The following PTPN12 variants were observed in gnomAD, a reference collection of about 807,000 sequenced individuals.
The protein encoded by PTPN12 is protein tyrosine phosphatase non-receptor type 12.
In PTPN12, 29 loss-of-function variants were observed where a neutral mutation model predicts 97.6. The observed-to-expected ratio is 0.30, with a 90% CI of 0.22 to 0.41. PTPN12 has a LOEUF of 0.41. Ranked by LOEUF, PTPN12 falls within the 10% of genes least tolerant of loss-of-function variation. The pLI is 1.00. For missense variants in PTPN12, 819 were observed against 926.0 expected (o/e 0.88, Z 1.50); for synonymous variants, 327 against 300.4 (o/e 1.09, Z -0.91).
chr7:77,552,486 T>C (rs1249330855), intron 1 of PTPN12, among the ~76,000 whole-genome samples: 1 of 152,206 alleles, frequency 6.6e-6, no homozygotes, highest in African/African-American at 2.4e-5. Context: ...CTCTAGTTGT[T>C]AAAGAAGGTA....
chr7:77,601,494 C>T (rs374148041), intron 8 of PTPN12, among the ~76,000 whole-genome samples: 1 of 152,132 alleles, frequency 6.6e-6, no homozygotes, highest in Non-Finnish European at 1.5e-5. Flanking sequence ...TGAGCCACTA[C>T]GCCTGGCAAC....
Position 77,599,514 on chromosome 7 carries a change from TCCTGG to T in PTPN12, c.553-1146_553-1142del, listed in dbSNP as rs1378215278. Reference sequence around the variant, plus strand: ...CATGTTGCTCAGGCTGCTGTCAAATTCCTGGCCTTGAGTGATCTTGCCTTTTGCAT... The same window carrying T: ...CATGTTGCTCAGGCTGCTGTCAAATTCCTTGAGTGATCTTGCCTTTTGCAT... On this transcript the variant is annotated intron_variant, in intron 7 of 17. Coordinates refer to ENST00000248594, the MANE Select transcript of PTPN12 (RefSeq NM_002835.4). 2.0e-5 allele frequency among the ~76,000 whole-genome samples: 3 copies of T among 152,284 alleles called. No homozygotes were observed. In the South Asian group the frequency reaches 6.2e-4, roughly 32 times the overall value.
Position 77,627,234 on chromosome 7 carries a change from ACAC to A in PTPN12, c.1557_1559del (p.Pro521del). On this transcript the variant is annotated inframe_deletion, in exon 13 of 18. Transcript: ENST00000248594. ...ACCAGAAGAATCCCAGAATTCAGAC[ACAC>A]CTCCAAGGCCAGACCGCTTGCCTCT... 1 of 1,614,124 alleles carries A rather than the reference ACAC, an allele frequency of 6.2e-7. No homozygotes were observed. Among genetic ancestry groups the A allele is most frequent in the Non-Finnish European group, 8.5e-7 (1 of 1,179,974 alleles).
chr7:77,616,006 C>G lies in PTPN12; in HGVS notation c.940-2474C>G, dbSNP rs115034021. Among the ~76,000 whole-genome samples the G allele has an allele frequency of 1.6e-3, 238 of 152,316 alleles. 2 individuals carry two copies. Among genetic ancestry groups the G allele is most frequent in the African/African-American group, 5.5e-3 (228 of 41,566 alleles). On this transcript the variant is annotated intron_variant, in intron 11 of 17. Coordinates refer to ENST00000248594, the MANE Select transcript of PTPN12 (RefSeq NM_002835.4). ...CTCAGTATGTTCTGAAAGCTAATCTCTCCCAGAAGCTCTCTTTTGGTTCTT... is the reference window on the plus strand; with the variant it reads ...CTCAGTATGTTCTGAAAGCTAATCTGTCCCAGAAGCTCTCTTTTGGTTCTT...
In PTPN12 at chr7:77,564,746, G is replaced by GTGTTTTTTTTTT. The variant is rs1808163614; in HGVS notation, c.100-6331_100-6330insGTTTTTTTTTTT. On this transcript the variant is annotated intron_variant, in intron 1 of 17. Transcript: ENST00000248594. ...TTTTGTTGTTGTTTTTTGTTGTCGT[G>GTGTTTTTTTTTT]TTTTTTTTTTTTTTTTTTTTTTTTT... is the stretch of plus-strand genomic sequence containing the variant. Among the ~76,000 whole-genome samples the GTGTTTTTTTTTT allele has an allele frequency of 8.8e-5, 4 of 45,402 alleles. No homozygotes were observed. The East Asian group carries it at 2.4e-3, about 27-fold the overall frequency. 29.8% of individuals were successfully genotyped at this position (45,402 alleles called of 152,430 possible).
intron 1 of PTPN12, among the ~76,000 whole-genome samples, chr7:77,539,687 G>A (rs1259510114): frequency 6.6e-6 from 1 of 151,988 alleles, no homozygotes; most frequent in African/African-American, 2.4e-5. Context: ...GGAGTGCAGC[G>A]GCGCAATCTC....
chr7:77,595,364 G>T (rs957579944), intron 6 of PTPN12, among the ~76,000 whole-genome samples: 10 of 152,206 alleles, frequency 6.6e-5, no homozygotes, highest in Admixed American at 5.2e-4. Context: ...CAGAGTTTGA[G>T]ACTGAGAAAT....
chr7:77,577,073 C>T (rs1415281265), intron 2 of PTPN12, among the ~76,000 whole-genome samples: 2 of 152,176 alleles, frequency 1.3e-5, no homozygotes, highest in Non-Finnish European at 2.9e-5. Context: ...GCATTTGTTC[C>T]ATACTCCAAT....
chr7:77,580,719 T>C (rs1787487647), intron 2 of PTPN12, among the ~76,000 whole-genome samples: 1 of 152,178 alleles, frequency 6.6e-6, no homozygotes, highest in Non-Finnish European at 1.5e-5. Flanking sequence ...ATAATAACTA[T>C]TATTAGCCAA....
In PTPN12 at chr7:77,626,911, A is replaced by G. The variant is rs1451738803; in HGVS notation, c.1232A>G (p.Lys411Arg). 6.2e-7 allele frequency: 1 copy of G among 1,609,882 alleles called. No individual in the cohort carries two copies. The highest frequency in any genetic ancestry group is 2.2e-5 in the East Asian group (1 of 44,874). ...HSADLNRNYS[K>R]STELPGKNES... ...GCAGACCTCAACAGAAACTATAGTAAATCAACAGAACTTCCAGGGAAAAAT... is the reference window on the plus strand; with the variant it reads ...GCAGACCTCAACAGAAACTATAGTAGATCAACAGAACTTCCAGGGAAAAAT... Residue 411 changes from lysine (K) to arginine (R), a missense_variant, in exon 13 of 18, where the codon AAA (lysine) becomes AGA (arginine). By Grantham distance (26) the Lys-to-Arg change is conservative. This residue lies in a region of PTPN12 where 607 missense variants were observed against 577.3 expected (regional missense o/e 1.05). Transcript: ENST00000248594.
At chr7:77,615,527 G>T (rs561252588) in intron 11 of PTPN12, among the ~76,000 whole-genome samples, 1 of 152,166 alleles carries the variant, frequency 6.6e-6, no homozygotes, top group African/African-American at 2.4e-5. Flanking sequence ...CAGGAGAATT[G>T]CTTGAGACCA....
intron 13 of PTPN12, among the ~76,000 whole-genome samples, chr7:77,630,515 A>G (rs954611767): frequency 6.6e-6 from 1 of 152,202 alleles, no homozygotes; most frequent in Non-Finnish European, 1.5e-5. Context: ...ATATTACCAT[A>G]CTCAACAATT....
chr7:77,551,695 C>T (rs1194693525), intron 1 of PTPN12, among the ~76,000 whole-genome samples: 1 of 152,192 alleles, frequency 6.6e-6, no homozygotes, highest in Admixed American at 6.5e-5. Flanking sequence ...ACCATTCTTC[C>T]ATCCAAGCTT....
In PTPN12 at chr7:77,637,045, TGTG is replaced by T. The variant is rs1789618067; in HGVS notation, c.2173_2173+2del. 2.5e-6 allele frequency: 4 copies of T among 1,606,990 alleles called. No homozygotes were observed. Among genetic ancestry groups the T allele is most frequent in the African/African-American group, 1.3e-5 (1 of 74,878 alleles). On this transcript the variant is annotated inframe_deletion and splice_region_variant, in exon 16 of 18. Transcript: ENST00000248594. Reference sequence around the variant, plus strand: ...CTTGATAACCTCTGAAAATGAGAAATGTGGTAAGTTGTTAGATTTTTTTTTTCC... The same window carrying T: ...CTTGATAACCTCTGAAAATGAGAAATGTAAGTTGTTAGATTTTTTTTTTCC...
intron 3 of PTPN12, 53 bp from the exon 4 acceptor site, chr7:77,583,502 A>T: frequency 8.8e-7 from 1 of 1,138,556 alleles, no homozygotes; most frequent in African/African-American, 1.6e-5. Context: ...TTGGGTAATG[A>T]AATATTTTTG....
rs778030997 is a variant in PTPN12, at chr7:77,599,717, A to G, written c.553-947A>G. On this transcript the variant is annotated intron_variant, in intron 7 of 17. Coordinates refer to ENST00000248594, the MANE Select transcript of PTPN12 (RefSeq NM_002835.4). ...AGATACTGTTACGTCTGTTGCACAT[A>G]GATGAAGATACAGAAGCTTTAAGAA... 3.7e-4 allele frequency among the ~76,000 whole-genome samples: 56 copies of G among 152,130 alleles called. 1 individual carries two copies. Among genetic ancestry groups the G allele is most frequent in the Non-Finnish European group, 1.3e-4 (9 of 68,040 alleles).
chr7:77,589,741 A>C (rs1787806349), intron 5 of PTPN12, among the ~76,000 whole-genome samples: 1 of 152,296 alleles, frequency 6.6e-6, no homozygotes, highest in South Asian at 2.1e-4. Flanking sequence ...TATCTATTTA[A>C]GGGTTGTCAA....
intron 1 of PTPN12, among the ~76,000 whole-genome samples, chr7:77,566,707 G>A (rs1207343967): frequency 1.1e-5 from 1 of 87,870 alleles, no homozygotes; most frequent in Non-Finnish European, 2.8e-5. Flanking sequence ...CTGGGCAACA[G>A]AGTGAGTCCC....
At chr7:77,575,537 T>A (rs1787313826) in intron 2 of PTPN12, among the ~76,000 whole-genome samples, 1 of 152,160 alleles carries the variant, frequency 6.6e-6, no homozygotes, top group Non-Finnish European at 1.5e-5. Flanking sequence ...TTTAATTCAC[T>A]AACTTCCTTT....
Sources: allele counts gnomAD v4.1 joint callset (sites outside exome capture counted in the v4.1 genomes callset), GRCh38; gene constraint gnomAD v4.1.1; regional missense constraint gnomAD v4.1.1; transcripts MANE v1.5; gene names NCBI Gene and HGNC (gene_info 2026-07-23, HGNC 2026-07-21).